The following CTDSPL2 variants were observed in gnomAD, a reference collection of about 807,000 sequenced individuals.
CTDSPL2 encodes the protein CTD small phosphatase like 2.
In CTDSPL2, 5 loss-of-function variants were observed where a neutral mutation model predicts 60.0. That is an observed-to-expected ratio of 0.08 (90% CI 0.04 to 0.18). The LOEUF (loss-of-function observed/expected upper bound fraction) is 0.18. CTDSPL2 is among the 10% of genes least tolerant of loss of function. The pLI is 1.00. For synonymous variants in CTDSPL2, 186 were observed against 189.3 expected (o/e 0.98, Z 0.14); for missense variants, 370 against 548.8 (o/e 0.67, Z 3.26).
At chr15:44,476,969 A>G (rs554044681) in intron 2 of CTDSPL2, among the ~76,000 whole-genome samples, 2 of 152,352 alleles carry the variant, frequency 1.3e-5, no homozygotes, top group Admixed American at 6.5e-5. Context: ...TATGCCTTTA[A>G]TCCTAGGACT....
intron 2 of CTDSPL2, among the ~76,000 whole-genome samples, chr15:44,481,097 A>G (rs973945416): frequency 6.6e-6 from 1 of 152,112 alleles, no homozygotes; most frequent in Non-Finnish European, 1.5e-5. Flanking sequence ...GCACTTTGGG[A>G]GGCTGAGGCA....
chr15:44,444,414 A>C (rs1431216759), intron 1 of CTDSPL2, among the ~76,000 whole-genome samples: 1 of 151,236 alleles, frequency 6.6e-6, no homozygotes, highest in East Asian at 2.0e-4. Context: ...GTGCAATCTC[A>C]GCTCACTGCA....
At chr15:44,512,307 T>C (rs1470330829) in intron 8 of CTDSPL2, among the ~76,000 whole-genome samples, 1 of 152,118 alleles carries the variant, frequency 6.6e-6, no homozygotes, top group Non-Finnish European at 1.5e-5. Context: ...AACCTGTATA[T>C]GGAGCAAGTG....
At chr15:44,486,137 A>C (rs2081114707) in intron 3 of CTDSPL2, among the ~76,000 whole-genome samples, 1 of 152,176 alleles carries the variant, frequency 6.6e-6, no homozygotes, top group African/African-American at 2.4e-5. Flanking sequence ...CATTCATTAG[A>C]TAGAAGCAGA....
chr15:44,492,365 G>C lies in CTDSPL2; in HGVS notation c.691+1366G>C, dbSNP rs1457542710. Among the ~76,000 whole-genome samples, 4 of 152,240 alleles carry C rather than the reference G, an allele frequency of 2.6e-5. No individual in the cohort carries two copies. In the East Asian group the frequency reaches 7.7e-4, roughly 29 times the overall value. The stretch of plus-strand genomic sequence containing the variant: ...AAGACAAAAGAAAAAAAGAAACATA[G>C]TTTGGTTTAAGGAAATATAATATAC... On this transcript the variant is annotated intron_variant, in intron 5 of 12. Coordinates refer to ENST00000260327, the MANE Select transcript of CTDSPL2 (RefSeq NM_016396.3).
At chr15:44,523,620 G>A (rs1040411531) in intron 12 of CTDSPL2, among the ~76,000 whole-genome samples, 6 of 151,940 alleles carry the variant, frequency 3.9e-5, no homozygotes, top group African/African-American at 1.2e-4. Flanking sequence ...TCATTCATTC[G>A]TTCATTTATA....
At chr15:44,524,035 G>T in intron 12 of CTDSPL2, 74 bp from the exon 13 acceptor site, 1 of 1,159,592 alleles carries the variant, frequency 8.6e-7, no homozygotes, top group East Asian at 2.4e-5. Flanking sequence ...TCTCTGCAAG[G>T]TAAGAATGTA....
chr15:44,435,942 C>A (rs2079972923), intron 1 of CTDSPL2, among the ~76,000 whole-genome samples: 1 of 152,054 alleles, frequency 6.6e-6, no homozygotes, highest in Non-Finnish European at 1.5e-5. Context: ...TATACTTAGT[C>A]CTTCTTCCCT....
intron 8 of CTDSPL2, among the ~76,000 whole-genome samples, chr15:44,512,924 T>C (rs1178683150): frequency 6.6e-6 from 1 of 151,554 alleles, no homozygotes; most frequent in Non-Finnish European, 1.5e-5. Context: ...ATACAAAAAT[T>C]AGCCAGCCAT....
intron 8 of CTDSPL2, among the ~76,000 whole-genome samples, chr15:44,505,978 A>G (rs1429919975): frequency 1.3e-5 from 2 of 151,478 alleles, no homozygotes; most frequent in African/African-American, 4.9e-5. Context: ...TGTACATACA[A>G]TATAATGGCC....
intron 4 of CTDSPL2, among the ~76,000 whole-genome samples, chr15:44,488,579 G>A (rs563989054): frequency 2.6e-5 from 4 of 152,116 alleles, no homozygotes; most frequent in Admixed American, 2.0e-4. Flanking sequence ...TTGGGAGGCC[G>A]AGATGGGCGG....
At chr15:44,471,155 C>T (rs1013188730) in intron 2 of CTDSPL2, among the ~76,000 whole-genome samples, 3 of 152,288 alleles carry the variant, frequency 2.0e-5, no homozygotes, top group Non-Finnish European at 2.9e-5. Flanking sequence ...GTTTCTTCCG[C>T]GTTACCACAT....
intron 1 of CTDSPL2, among the ~76,000 whole-genome samples, chr15:44,458,719 C>A (rs1277737732): frequency 1.3e-5 from 2 of 152,142 alleles, no homozygotes; most frequent in Non-Finnish European, 1.5e-5. Context: ...AGAGCATGCA[C>A]ACTCCTTGGT....
intron 8 of CTDSPL2, among the ~76,000 whole-genome samples, chr15:44,508,583 G>A (rs2140851860): frequency 6.6e-6 from 1 of 152,254 alleles, no homozygotes; most frequent in Admixed American, 6.5e-5. Flanking sequence ...TGTAGCAATA[G>A]GTTGGAAGGA....
chr15:44,467,160 C>T (rs2080713744), intron 2 of CTDSPL2, among the ~76,000 whole-genome samples: 1 of 152,244 alleles, frequency 6.6e-6, no homozygotes. Context: ...GTCTGCTGAA[C>T]TGTGTGCACA....
At chr15:44,438,694 C>G (rs1379440860) in intron 1 of CTDSPL2, among the ~76,000 whole-genome samples, 1 of 151,986 alleles carries the variant, frequency 6.6e-6, no homozygotes, top group Non-Finnish European at 1.5e-5. Context: ...TTTGAGGTAC[C>G]AAGTAAAAGT....
At chr15:44,495,553 A>G (rs965329119) in intron 5 of CTDSPL2, among the ~76,000 whole-genome samples, 2 of 152,044 alleles carry the variant, frequency 1.3e-5, no homozygotes, top group Non-Finnish European at 1.5e-5. Flanking sequence ...CGCCTCAAAA[A>G]AAAAAAAAAA....
intron 5 of CTDSPL2, 56 bp downstream of exon 5, chr15:44,491,055 G>A: frequency 7.5e-7 from 1 of 1,338,890 alleles, no homozygotes. Flanking sequence ...AAAAATAACA[G>A]TATTTCATAT....
intron 12 of CTDSPL2, among the ~76,000 whole-genome samples, chr15:44,522,442 A>G (rs899571601): frequency 6.6e-6 from 1 of 152,174 alleles, no homozygotes; most frequent in African/African-American, 2.4e-5. Context: ...CAAATTGCTA[A>G]GCAGTTGTGT....
Sources: allele counts gnomAD v4.1 joint callset (sites outside exome capture counted in the v4.1 genomes callset), GRCh38; gene constraint gnomAD v4.1.1; transcripts MANE v1.5; gene names NCBI Gene and HGNC (gene_info 2026-07-23, HGNC 2026-07-21).